The following ANKRD12 variants were observed in gnomAD, a reference collection of about 807,000 sequenced individuals.
ANKRD12 encodes ankyrin repeat domain-containing protein 12.
ANKRD12 carries 85 observed loss-of-function variants against 183.4 expected under a neutral mutation model. The ratio of observed to expected loss-of-function variants is 0.46; its 90% CI spans 0.39 to 0.56. The LOEUF is 0.56. Ranked by LOEUF, ANKRD12 falls within the 20% of genes least tolerant of loss-of-function variation. The pLI, the probability that ANKRD12 is intolerant of heterozygous loss-of-function variation, is 0.00. For missense variants in ANKRD12, 2,405 were observed against 2,357.1 expected (o/e 1.02, Z -0.42); for synonymous variants, 914 against 800.2 (o/e 1.14, Z -2.40).
At chr18:9,235,378 A>G (rs1483636371) in intron 8 of ANKRD12, among the ~76,000 whole-genome samples, 1 of 152,224 alleles carries the variant, frequency 6.6e-6, no homozygotes, top group Admixed American at 6.5e-5. Flanking sequence ...CCTTCGTTAT[A>G]TGAACTCTGT....
chr18:9,244,503 T>TA (rs1303381101), intron 8 of ANKRD12, among the ~76,000 whole-genome samples: 14 of 152,014 alleles, frequency 9.2e-5, no homozygotes, highest in Non-Finnish European at 1.6e-4. Context: ...AGATTTTGAT[T>TA]AAAAAAAATC....
intron 1 of ANKRD12, among the ~76,000 whole-genome samples, chr18:9,161,854 ATTAT>A (rs1025365749): frequency 6.6e-6 from 1 of 150,784 alleles, no homozygotes; most frequent in Non-Finnish European, 1.5e-5. Flanking sequence ...ATTTACCTAC[ATTAT>A]TTATTTATTT....
intron 1 of ANKRD12, among the ~76,000 whole-genome samples, chr18:9,140,127 C>A (rs994565198): frequency 2.6e-5 from 4 of 152,260 alleles, no homozygotes; most frequent in Admixed American, 2.6e-4. Flanking sequence ...AAAATAATAG[C>A]CTTGTCTTCT....
At chr18:9,272,160 A>C (rs139377212) in intron 10 of ANKRD12, among the ~76,000 whole-genome samples, 1 of 152,338 alleles carries the variant, frequency 6.6e-6, no homozygotes, top group African/African-American at 2.4e-5. Flanking sequence ...TAAAAACACA[A>C]AATTAAGAAT....
At chr18:9,243,844 A>G (rs1287522943) in intron 8 of ANKRD12, among the ~76,000 whole-genome samples, 1 of 152,226 alleles carries the variant, frequency 6.6e-6, no homozygotes. Flanking sequence ...AATTGAAGAA[A>G]GTGTCTTGAG....
At chr18:9,175,385 T>G (rs896413981) in intron 1 of ANKRD12, among the ~76,000 whole-genome samples, 2 of 152,112 alleles carry the variant, frequency 1.3e-5, no homozygotes, top group African/African-American at 4.8e-5. Context: ...CTAAATAGTC[T>G]GAGTTGTCTT....
chr18:9,141,777 A>T (rs930829024), intron 1 of ANKRD12, among the ~76,000 whole-genome samples: 1 of 152,240 alleles, frequency 6.6e-6, no homozygotes, highest in Non-Finnish European at 1.5e-5. Flanking sequence ...TCAGGCCATA[A>T]CTGGGAAAAA....
chr18:9,269,512 A>C (rs2039482999), intron 10 of ANKRD12, among the ~76,000 whole-genome samples: 1 of 152,340 alleles, frequency 6.6e-6, no homozygotes, highest in East Asian at 1.9e-4. Context: ...AAAAACAAAC[A>C]ATGGGGAAAG....
chr18:9,234,858 T>C (rs72939216), intron 8 of ANKRD12, among the ~76,000 whole-genome samples: 9,583 of 152,232 alleles, frequency 0.063, 329 homozygotes, highest in Non-Finnish European at 0.079. Flanking sequence ...TAGTTCAGAT[T>C]GCAGCAGTTT....
chr18:9,147,784 A>G (rs1010852585), intron 1 of ANKRD12, among the ~76,000 whole-genome samples: 12 of 152,212 alleles, frequency 7.9e-5, no homozygotes, highest in African/African-American at 2.9e-4. Flanking sequence ...AAACAAAATA[A>G]TTATTTTAGG....
In ANKRD12 at chr18:9,221,849, C is replaced by G; in HGVS notation, c.796-3C>G. 1.2e-6 allele frequency: 2 copies of G among 1,613,188 alleles called. No individual in the cohort carries two copies. The highest frequency in any genetic ancestry group is 1.7e-6 in the Non-Finnish European group (2 of 1,179,580). On this transcript the variant is annotated splice_region_variant and splice_polypyrimidine_tract_variant and intron_variant, in intron 7 of 12. Coordinates refer to ENST00000262126, the MANE Select transcript of ANKRD12 (RefSeq NM_015208.5). ...TAAGTCTTCCTGCTTTTTATTGTTG[C>G]AGATAGTAAAGCTGTTACTTCGTCA...
chr18:9,278,116 G>C (rs1052061751), intron 11 of ANKRD12, among the ~76,000 whole-genome samples: 6 of 152,206 alleles, frequency 3.9e-5, no homozygotes, highest in African/African-American at 1.4e-4. Context: ...ATACCAAAAT[G>C]TGAGGTGTAT....
At chr18:9,246,031 T>A (rs575166236) in intron 8 of ANKRD12, among the ~76,000 whole-genome samples, 1 of 152,330 alleles carries the variant, frequency 6.6e-6, no homozygotes, top group South Asian at 2.1e-4. Context: ...TAGCATTACA[T>A]AGTGGTATTC....
intron 8 of ANKRD12, among the ~76,000 whole-genome samples, chr18:9,227,807 A>G (rs1195761225): frequency 2.0e-5 from 3 of 152,218 alleles, no homozygotes; most frequent in South Asian, 2.1e-4. Context: ...ATATGTTGGT[A>G]TCATTTCAAG....
chr18:9,204,421 CTGCATTTCCCTCCGTG>C, intron 3 of ANKRD12, 39 bp from the exon 4 acceptor site: 1 of 1,271,994 alleles, frequency 7.9e-7, no homozygotes, highest in African/African-American at 1.5e-5. Flanking sequence ...TTGTTGAATT[CTGCATTTCCCTCCGTG>C]TGCTTTTTTC....
chr18:9,225,924 A>G (rs374992594), intron 8 of ANKRD12, among the ~76,000 whole-genome samples: 2 of 152,098 alleles, frequency 1.3e-5, no homozygotes, highest in African/African-American at 4.8e-5. Flanking sequence ...TTACACTATC[A>G]CATATCTATC....
chr18:9,230,314 T>C (rs1025013112), intron 8 of ANKRD12, among the ~76,000 whole-genome samples: 1 of 152,198 alleles, frequency 6.6e-6, no homozygotes, highest in Admixed American at 6.5e-5. Flanking sequence ...TTCTGTGATA[T>C]CAGTTGTAAT....
chr18:9,204,907 C>G (rs919492311), intron 4 of ANKRD12, among the ~76,000 whole-genome samples: 6 of 152,212 alleles, frequency 3.9e-5, no homozygotes, highest in Non-Finnish European at 7.3e-5. Flanking sequence ...ATACCCTTCA[C>G]AAGGTATACC....
At chr18:9,264,646 A>G (rs1278248393) in intron 10 of ANKRD12, among the ~76,000 whole-genome samples, 2 of 152,248 alleles carry the variant, frequency 1.3e-5, no homozygotes, top group Admixed American at 6.5e-5. Context: ...AAGAGAAGCA[A>G]CAAATGAAAG....
Sources: allele counts gnomAD v4.1 joint callset (sites outside exome capture counted in the v4.1 genomes callset), GRCh38; gene constraint gnomAD v4.1.1; transcripts MANE v1.5; gene names NCBI Gene and HGNC (gene_info 2026-07-23, HGNC 2026-07-21).